Variants in TRPM3 observed in about 807,000 individuals in gnomAD.
TRPM3 encodes long transient receptor potential channel 3.
TRPM3 carries 77 observed loss-of-function variants against 181.2 expected under a neutral mutation model. The observed-to-expected ratio is 0.42, with a 90% CI of 0.35 to 0.51. The LOEUF (loss-of-function observed/expected upper bound fraction) is 0.51. Among genes scored for constraint, TRPM3 ranks in the 20% least tolerant of loss-of-function variants. The pLI, the probability that TRPM3 is intolerant of heterozygous loss-of-function variation, is 0.01. For missense variants in TRPM3, 1,759 were observed against 2,196.7 expected, an observed-to-expected ratio of 0.80 and a Z score of 3.98; for synonymous variants, 745 against 796.4, an observed-to-expected ratio of 0.94 and a Z score of 1.09.
At chr9:71,144,976 C>A (rs1337476112) in intron 1 of TRPM3, among the ~76,000 whole-genome samples, 1 of 152,122 alleles carries the variant, frequency 6.6e-6, no homozygotes. Context: ...TTCCAAATAA[C>A]CGTGTCACCA....
intron 8 of TRPM3, among the ~76,000 whole-genome samples, chr9:70,688,835 C>A (rs543857841): frequency 3.9e-5 from 6 of 152,112 alleles, no homozygotes; most frequent in Admixed American, 6.6e-5. Flanking sequence ...TCTCTTCATG[C>A]CCCTATGATT....
intron 1 of TRPM3, among the ~76,000 whole-genome samples, chr9:71,314,593 A>G (rs1184633692): frequency 1.3e-5 from 2 of 152,176 alleles, no homozygotes; most frequent in East Asian, 3.8e-4. Flanking sequence ...GAGCTGAAGT[A>G]TAACTATGGC....
At chr9:71,345,609 A>G (rs2091250464) in intron 1 of TRPM3, among the ~76,000 whole-genome samples, 1 of 151,950 alleles carries the variant, frequency 6.6e-6, no homozygotes, top group African/African-American at 2.4e-5. Context: ...GGCAAGGGGA[A>G]GGAGAGCATT....
intron 1 of TRPM3, among the ~76,000 whole-genome samples, chr9:71,404,663 A>G (rs1328008093): frequency 6.6e-6 from 1 of 152,086 alleles, no homozygotes; most frequent in African/African-American, 2.4e-5. Context: ...AGCTGGAGGT[A>G]TTTCAAGATA....
At chr9:70,810,361 A>C (rs949866879) in intron 6 of TRPM3, among the ~76,000 whole-genome samples, 2 of 133,412 alleles carry the variant, frequency 1.5e-5, no homozygotes, top group Non-Finnish European at 3.2e-5. Flanking sequence ...CTATGGATAC[A>C]CGATCAGGAG....
At chr9:71,427,124 C>T (rs887989272) in intron 1 of TRPM3, among the ~76,000 whole-genome samples, 35 of 152,244 alleles carry the variant, frequency 2.3e-4, no homozygotes, top group African/African-American at 6.7e-4. Context: ...TAATGCCTTA[C>T]GGTATTTTTT....
At chr9:70,783,873 C>T in intron 7 of TRPM3, 1 of 1,223,950 alleles carries the variant, frequency 8.2e-7, no homozygotes, top group African/African-American at 1.6e-5. Context: ...CTTTTCCTCA[C>T]CCTTTTTATT....
chr9:71,406,946 C>T (rs1041410286), intron 1 of TRPM3, among the ~76,000 whole-genome samples: 8 of 152,138 alleles, frequency 5.3e-5, no homozygotes, highest in African/African-American at 1.9e-4. Flanking sequence ...CTCTGATCCA[C>T]ACTGAAGGAA....
chr9:71,411,701 C>G (rs575946945), intron 1 of TRPM3, among the ~76,000 whole-genome samples: 1 of 152,256 alleles, frequency 6.6e-6, no homozygotes, highest in East Asian at 1.9e-4. Context: ...CAATGCCATC[C>G]CCATCAAGCT....
chr9:70,788,179 C>T, intron 6 of TRPM3, among the ~76,000 whole-genome samples: 1 of 117,158 alleles, frequency 8.5e-6, no homozygotes, highest in Non-Finnish European at 1.7e-5. Context: ...CACCCCACCA[C>T]AGTCCCCAGA....
chr9:71,276,464 A>G (rs1425808510), intron 1 of TRPM3, among the ~76,000 whole-genome samples: 1 of 152,188 alleles, frequency 6.6e-6, no homozygotes, highest in Non-Finnish European at 1.5e-5. Flanking sequence ...TATACAAAAA[A>G]AACTCCAAGA....
intron 6 of TRPM3, among the ~76,000 whole-genome samples, chr9:70,804,182 T>G (rs2090069930): frequency 6.6e-6 from 1 of 151,956 alleles, no homozygotes; most frequent in South Asian, 2.1e-4. Flanking sequence ...AAAAAAAAAT[T>G]AACTGGGCTT....
intron 1 of TRPM3, among the ~76,000 whole-genome samples, chr9:71,181,782 A>G (rs2077419247): frequency 6.6e-6 from 1 of 152,168 alleles, no homozygotes; most frequent in African/African-American, 2.4e-5. Context: ...GACTGGACTA[A>G]CAGGTGAACA....
Position 70,618,936 on chromosome 9 carries a change from C to A in TRPM3, c.2289G>T (p.Thr763=), listed in dbSNP as rs368349844. Residue 763 remains threonine, a synonymous_variant, in exon 17 of 26, where the codon ACG becomes ACT. Coordinates refer to ENST00000677713, the MANE Select transcript of TRPM3 (RefSeq NM_001366145.2). ...TGTCGGTGAGCAGCATCTGGCTGCACGTGTGCGCGATGAAGTCGCGGTGTT... is the reference window on the plus strand; with the variant it reads ...TGTCGGTGAGCAGCATCTGGCTGCAAGTGTGCGCGATGAAGTCGCGGTGTT... ...AAKHRDFIAH[T]CSQMLLTDMW... 20 of 1,613,346 alleles carry A rather than the reference C, an allele frequency of 1.2e-5. No homozygotes were observed. Among genetic ancestry groups the A allele is most frequent in the Non-Finnish European group, 1.4e-5 (17 of 1,180,000 alleles).
chr9:71,405,006 A>G (rs538805803), intron 1 of TRPM3, among the ~76,000 whole-genome samples: 2 of 152,308 alleles, frequency 1.3e-5, no homozygotes, highest in African/African-American at 2.4e-5. Flanking sequence ...CTTTATACAT[A>G]GCTACATTTT....
intron 1 of TRPM3, among the ~76,000 whole-genome samples, chr9:71,423,501 A>G (rs2093813113): frequency 6.6e-6 from 1 of 152,096 alleles, no homozygotes; most frequent in African/African-American, 2.4e-5. Context: ...TCTACAATAC[A>G]GTCTTCCCAA....
intron 9 of TRPM3, among the ~76,000 whole-genome samples, chr9:70,644,483 A>T (rs2058515643): frequency 6.6e-6 from 1 of 152,168 alleles, no homozygotes; most frequent in Non-Finnish European, 1.5e-5. Flanking sequence ...TAGATGCAGA[A>T]AAGGCCTTCA....
At chr9:70,931,751 A>G (rs2096777279) in intron 1 of TRPM3, among the ~76,000 whole-genome samples, 3 of 152,320 alleles carry the variant, frequency 2.0e-5, no homozygotes, top group Admixed American at 1.3e-4. Context: ...ATCAAAGTTT[A>G]TAATCAATCT....
intron 1 of TRPM3, among the ~76,000 whole-genome samples, chr9:71,003,638 T>C (rs1287930772): frequency 6.6e-6 from 1 of 152,136 alleles, no homozygotes; most frequent in Non-Finnish European, 1.5e-5. Flanking sequence ...ATCTGATACA[T>C]GGGAAATGTA....
Sources: allele counts gnomAD v4.1 joint callset (sites outside exome capture counted in the v4.1 genomes callset), GRCh38; gene constraint gnomAD v4.1.1; transcripts MANE v1.5; gene names NCBI Gene and HGNC (gene_info 2026-07-23, HGNC 2026-07-21).